Variants in ITGA8 observed in about 807,000 individuals in gnomAD.
ITGA8 encodes the protein integrin subunit alpha 8, also known as integrin alpha-8.
In ITGA8, 91 loss-of-function variants were observed where a neutral mutation model predicts 142.3. The observed-to-expected ratio is 0.64, with a 90% CI of 0.54 to 0.76. The LOEUF (loss-of-function observed/expected upper bound fraction) is 0.76, where lower values mean the gene tolerates loss of function less well. ITGA8 is among the 30% of genes least tolerant of loss of function. ITGA8 has a pLI of 0.00. For missense variants in ITGA8, 1,406 were observed against 1,327.7 expected (o/e 1.06, Z -0.92); for synonymous variants, 505 against 485.2 (o/e 1.04, Z -0.54).
At chr10:15,556,273 C>T (rs1246449066) in intron 26 of ITGA8, among the ~76,000 whole-genome samples, 1 of 152,052 alleles carries the variant, frequency 6.6e-6, no homozygotes, top group East Asian at 1.9e-4. Flanking sequence ...AGGTGATCTG[C>T]CCACCTCAGC....
intron 13 of ITGA8, among the ~76,000 whole-genome samples, chr10:15,633,337 T>G (rs1833716131): frequency 6.6e-6 from 1 of 152,218 alleles, no homozygotes; most frequent in Non-Finnish European, 1.5e-5. Flanking sequence ...GTTAAAAAAT[T>G]CTGCAGTACA....
intron 22 of ITGA8, among the ~76,000 whole-genome samples, chr10:15,589,780 T>TTTTTA (rs1832894806): frequency 1.3e-5 from 2 of 150,900 alleles, no homozygotes; most frequent in African/African-American, 4.9e-5. Context: ...TTTTTTTTTT[T>TTTTTA]GAGATGGGGT....
At chr10:15,555,926 T>C (rs904874497) in intron 26 of ITGA8, among the ~76,000 whole-genome samples, 2 of 151,222 alleles carry the variant, frequency 1.3e-5, no homozygotes, top group Non-Finnish European at 2.9e-5. Context: ...CTTGATCTCC[T>C]GACCTCGTGA....
At chr10:15,643,382 T>C (rs938525997) in intron 13 of ITGA8, among the ~76,000 whole-genome samples, 5 of 152,082 alleles carry the variant, frequency 3.3e-5, no homozygotes, top group Admixed American at 1.3e-4. Flanking sequence ...CGGGTTCAGG[T>C]GATTCTTGTG....
At chr10:15,649,065 C>T (rs1834038644) in intron 11 of ITGA8, among the ~76,000 whole-genome samples, 1 of 151,926 alleles carries the variant, frequency 6.6e-6, no homozygotes, top group Admixed American at 6.6e-5. Flanking sequence ...GGGTGGGATC[C>T]CAAGGTGGGC....
intron 22 of ITGA8, among the ~76,000 whole-genome samples, chr10:15,589,217 CT>C (rs1174192905): frequency 1.3e-5 from 2 of 152,150 alleles, no homozygotes; most frequent in African/African-American, 4.8e-5. Flanking sequence ...ATGCTATTTT[CT>C]TTTTCCTTAC....
At chr10:15,639,591 G>T (rs1174548927) in intron 13 of ITGA8, among the ~76,000 whole-genome samples, 3 of 152,190 alleles carry the variant, frequency 2.0e-5, no homozygotes, top group Non-Finnish European at 4.4e-5. Flanking sequence ...CTTAAGTGAG[G>T]AATCTCACCC....
intron 13 of ITGA8, among the ~76,000 whole-genome samples, chr10:15,624,153 T>A (rs1456394592): frequency 1.3e-5 from 2 of 152,230 alleles, no homozygotes; most frequent in Non-Finnish European, 2.9e-5. Flanking sequence ...AGTTTGTGCA[T>A]CAACAGGCCA....
At chr10:15,633,399 T>C (rs1208504028) in intron 13 of ITGA8, among the ~76,000 whole-genome samples, 1 of 152,104 alleles carries the variant, frequency 6.6e-6, no homozygotes, top group Non-Finnish European at 1.5e-5. Flanking sequence ...ACTGAAACAG[T>C]CAACATTAAT....
At chr10:15,691,649 A>G (rs1242013554) in intron 2 of ITGA8, among the ~76,000 whole-genome samples, 1 of 152,206 alleles carries the variant, frequency 6.6e-6, no homozygotes, top group Non-Finnish European at 1.5e-5. Context: ...AATCTAAAAA[A>G]GTCAGGCTCA....
intron 11 of ITGA8, among the ~76,000 whole-genome samples, chr10:15,650,190 G>A (rs760211643): frequency 6.6e-6 from 1 of 152,124 alleles, no homozygotes; most frequent in African/African-American, 2.4e-5. Flanking sequence ...AAGGCTACCT[G>A]CTGTATGATT....
Position 15,524,534 on chromosome 10 carries a change from T to C in ITGA8, c.2983-5122A>G, listed in dbSNP as rs923841468. 8.5e-5 allele frequency among the ~76,000 whole-genome samples: 13 copies of C among 152,352 alleles called. 1 individual carries two copies. In the South Asian group the frequency reaches 1.2e-3, roughly 15 times the overall value. On this transcript the variant is annotated intron_variant, in intron 28 of 29. Transcript: ENST00000378076. ...TATGTCTCGGCAAGAGAGGTCTTTCTGGGATAGAGTGATGGGGAGTCATGT... is the reference window on the plus strand; with the variant it reads ...TATGTCTCGGCAAGAGAGGTCTTTCCGGGATAGAGTGATGGGGAGTCATGT...
At chr10:15,617,750 C>T (rs773689178) in intron 13 of ITGA8, among the ~76,000 whole-genome samples, 110 of 151,836 alleles carry the variant, frequency 7.2e-4, no homozygotes, top group Non-Finnish European at 1.3e-3. Flanking sequence ...AGCAATCAAA[C>T]ACAAATAAAA....
At chr10:15,532,816 A>T (rs1833338178) in intron 27 of ITGA8, among the ~76,000 whole-genome samples, 3 of 152,306 alleles carry the variant, frequency 2.0e-5, no homozygotes, top group Non-Finnish European at 4.4e-5. Flanking sequence ...TGTAAACTTA[A>T]GTAAATTATA....
chr10:15,554,149 A>G (rs1833843288), intron 26 of ITGA8, among the ~76,000 whole-genome samples: 1 of 152,208 alleles, frequency 6.6e-6, no homozygotes, highest in Non-Finnish European at 1.5e-5. Flanking sequence ...TTTTAAAAAT[A>G]GTTAATTCCA....
At chr10:15,575,813 C>A (rs1158804693) in intron 23 of ITGA8, among the ~76,000 whole-genome samples, 1 of 152,118 alleles carries the variant, frequency 6.6e-6, no homozygotes, top group Non-Finnish European at 1.5e-5. Context: ...GCCCAGAGGG[C>A]AACTATTTTA....
At chr10:15,555,228 T>C (rs889712208) in intron 26 of ITGA8, among the ~76,000 whole-genome samples, 1 of 152,226 alleles carries the variant, frequency 6.6e-6, no homozygotes, top group African/African-American at 2.4e-5. Context: ...GCTTGCAATA[T>C]ATCATTGGCT....
rs1416825504 is a variant in ITGA8, at chr10:15,592,229, T to C, written c.2287A>G (p.Arg763Gly). The C allele has an allele frequency of 6.2e-7, 1 of 1,612,314 alleles. No individual in the cohort carries two copies. Among genetic ancestry groups the C allele is most frequent in the Non-Finnish European group, 8.5e-7 (1 of 1,178,406 alleles). Residue 763 changes from arginine to glycine, a missense_variant, in exon 22 of 30, where the codon AGA (arginine) becomes GGA (glycine). Coordinates refer to ENST00000378076, the MANE Select transcript of ITGA8 (RefSeq NM_003638.3). ...ATAGGCATGTAAAGGTCTAACCTTC[T>C]GATTTGGAGATCGAAGTTAATGCTC... Reference protein sequence around the residue: ...NMSINFDLQIRSSNKDNPDSN... With the variant: ...NMSINFDLQIGSSNKDNPDSN...
At chr10:15,517,344 A>G in intron 29 of ITGA8, 100 bp from the exon 30 acceptor site, 1 of 701,734 alleles carries the variant, frequency 1.4e-6, no homozygotes, top group Non-Finnish European at 2.3e-6. Flanking sequence ...TTTTTTTTAA[A>G]CTGAGTCTCG....
Sources: allele counts gnomAD v4.1 joint callset (sites outside exome capture counted in the v4.1 genomes callset), GRCh38; gene constraint gnomAD v4.1.1; transcripts MANE v1.5; gene names NCBI Gene and HGNC (gene_info 2026-07-23, HGNC 2026-07-21).